EYS: variants seen among roughly 807,000 people sequenced by gnomAD.
EYS encodes the protein EGF-like photoreceptor maintenance factor, also known as protein eyes shut homolog.
A neutral mutation model predicts 282.1 loss-of-function variants in EYS; 250 were observed. The observed-to-expected ratio is 0.89, with a 90% CI of 0.80 to 0.98. EYS has a LOEUF of 0.98. Ranked by LOEUF, EYS falls within the 50% of genes least tolerant of loss-of-function variation. The pLI is 0.00. For synonymous variants in EYS, 1,355 were observed against 1,282.9 expected, an observed-to-expected ratio of 1.06 and a Z score of -1.20; for missense variants, 4,016 against 3,709.0, an observed-to-expected ratio of 1.08 and a Z score of -2.15.
At chr6:64,496,853 T>C (rs1035364043) in intron 26 of EYS, among the ~76,000 whole-genome samples, 3 of 152,102 alleles carry the variant, frequency 2.0e-5, no homozygotes, top group Non-Finnish European at 4.4e-5. Flanking sequence ...TATATTTTTG[T>C]CTTGGATTGG....
chr6:65,680,740 C>T lies in EYS; in HGVS notation c.-448+26395G>A, dbSNP rs562592491. ...AACAAATATTCTCACAATTCTCTTC[C>T]GACAGAGGAGATGTGGGGATTCCTC... On this transcript the variant is annotated intron_variant, in intron 1 of 42. Transcript: ENST00000503581. 5.9e-5 allele frequency among the ~76,000 whole-genome samples: 9 copies of T among 151,938 alleles called. No individual in the cohort carries two copies. The East Asian group carries it at 7.8e-4, about 13-fold the overall frequency.
intron 35 of EYS, among the ~76,000 whole-genome samples, chr6:63,937,443 C>T (rs569373550): frequency 3.9e-5 from 5 of 129,326 alleles, no homozygotes; most frequent in South Asian, 2.6e-4. Context: ...TGCAGTGGCT[C>T]GATCTCGGCT....
intron 22 of EYS, among the ~76,000 whole-genome samples, chr6:64,741,277 A>AT (rs1326781574): frequency 2.6e-5 from 4 of 152,078 alleles, no homozygotes; most frequent in Admixed American, 6.5e-5. Flanking sequence ...CGTCAATAAT[A>AT]TTTTTAATTT....
chr6:64,218,612 C>T lies in EYS; in HGVS notation c.6424+11980G>A, dbSNP rs192206767. ...AATCAGAATGGAGCTCAGCTCTTCGCCTACTGTCAGTAGTTACTGAATAAA... is the reference window on the plus strand; with the variant it reads ...AATCAGAATGGAGCTCAGCTCTTCGTCTACTGTCAGTAGTTACTGAATAAA... On this transcript the variant is annotated intron_variant, in intron 31 of 42. Transcript: ENST00000503581. Among the ~76,000 whole-genome samples, 332 of 152,262 alleles carry T rather than the reference C, an allele frequency of 2.2e-3. 1 individual carries two copies. Among genetic ancestry groups the T allele is most frequent in the African/African-American group, 7.2e-3 (300 of 41,552 alleles).
Position 63,984,530 on chromosome 6 carries a change from T to C in EYS, c.6908A>G (p.Tyr2303Cys), listed in dbSNP as rs1767264415. ...VQIHKKAGPV[Y>C]GFRGCILDLQ... ...GTCTAGAATGCAGCCCCTGAACCCA[T>C]AAACAGGACCTGCTTTCTTATGAAT... The change falls in exon 35 of 43, where the codon TAT becomes TGT. Residue 2303 changes from tyrosine to cysteine, a missense_variant. Coordinates refer to ENST00000503581, the MANE Select transcript of EYS (RefSeq NM_001142800.2). 3.2e-6 allele frequency: 5 copies of C among 1,549,658 alleles called. No individual in the cohort carries two copies. Among genetic ancestry groups the C allele is most frequent in the Non-Finnish European group, 4.4e-6 (5 of 1,145,552 alleles).
At chr6:63,798,959 ATGTGTATATATATATATGTATATG>A (rs1169260662) in intron 37 of EYS, among the ~76,000 whole-genome samples, 2,390 of 132,846 alleles carry the variant, frequency 0.018, 32 homozygotes, top group East Asian at 0.03. Context: ...ATATATGTAT[ATGTGTATATATATATATGTATATG>A]TGTGTATATA....
rs541165974 is a variant in EYS at position 64,777,565 on chromosome 6, C to T, written c.3443+35813G>A. Among the ~76,000 whole-genome samples the T allele has an allele frequency of 2.1e-4, 32 of 152,120 alleles. No individual in the cohort carries two copies. In the South Asian group the frequency reaches 3.5e-3, roughly 17 times the overall value. The stretch of plus-strand genomic sequence containing the variant: ...AATGTGTTTTATACTTGCTTTATTG[C>T]TAATATATTGATTAGTTTCCTAATG... On this transcript the variant is annotated intron_variant, in intron 22 of 42. Coordinates refer to ENST00000503581, the MANE Select transcript of EYS (RefSeq NM_001142800.2).
At chr6:65,030,641 G>A (rs1449590061) in intron 13 of EYS, among the ~76,000 whole-genome samples, 1 of 152,194 alleles carries the variant, frequency 6.6e-6, no homozygotes. Flanking sequence ...CCAGTGGACA[G>A]GGCATACCTT....
intron 19 of EYS, among the ~76,000 whole-genome samples, chr6:64,830,505 A>C (rs1253906920): frequency 6.6e-6 from 1 of 151,990 alleles, no homozygotes; most frequent in Non-Finnish European, 1.5e-5. Flanking sequence ...ACTGTCAGGC[A>C]TGAGTTTCTA....
intron 22 of EYS, among the ~76,000 whole-genome samples, chr6:64,667,557 ATTG>A (rs1174137321): frequency 6.6e-6 from 1 of 151,642 alleles, no homozygotes; most frequent in African/African-American, 2.4e-5. Context: ...ACTAACATAT[ATTG>A]TTATTTTTAA....
chr6:64,357,312 T>C (rs1771855713), intron 29 of EYS, among the ~76,000 whole-genome samples: 2 of 107,430 alleles, frequency 1.9e-5, no homozygotes, highest in Non-Finnish European at 3.9e-5. Flanking sequence ...CAACTGTGTC[T>C]GTGTATGAGC....
At chr6:64,812,036 C>G (rs562205225) in intron 22 of EYS, among the ~76,000 whole-genome samples, 3 of 152,052 alleles carry the variant, frequency 2.0e-5, no homozygotes, top group East Asian at 3.9e-4. Flanking sequence ...CAGAAATATA[C>G]GTTCAATTTA....
At chr6:65,007,293 G>A (rs1260202821) in intron 13 of EYS, among the ~76,000 whole-genome samples, 1 of 152,112 alleles carries the variant, frequency 6.6e-6, no homozygotes, top group East Asian at 1.9e-4. Context: ...TATCAGATGG[G>A]AAACATTTCC....
chr6:65,621,261 G>C (rs1454871027), intron 2 of EYS, among the ~76,000 whole-genome samples: 1 of 152,084 alleles, frequency 6.6e-6, no homozygotes, highest in Non-Finnish European at 1.5e-5. Flanking sequence ...TATATATTTA[G>C]GACAGTTAGC....
In EYS at chr6:64,797,852, A is replaced by T. The variant is rs573552929; in HGVS notation, c.3443+15526T>A. On this transcript the variant is annotated intron_variant, in intron 22 of 42. Transcript: ENST00000503581. ...GTGAGATCTCTAAATCCACAAATGC[A>T]AATTGTCTATTTATGTTGCCAACAA... Among the ~76,000 whole-genome samples the T allele has an allele frequency of 2.0e-5, 3 of 152,168 alleles. No homozygotes were observed. In the East Asian group the frequency reaches 5.8e-4, roughly 29 times the overall value.
intron 26 of EYS, among the ~76,000 whole-genome samples, chr6:64,521,771 T>C (rs1175179605): frequency 6.6e-6 from 1 of 151,858 alleles, no homozygotes; most frequent in Non-Finnish European, 1.5e-5. Context: ...TTTTACTATT[T>C]TACTGCTATT....
chr6:64,352,780 A>T (rs1425389912), intron 29 of EYS, among the ~76,000 whole-genome samples: 1 of 151,598 alleles, frequency 6.6e-6, no homozygotes, highest in Non-Finnish European at 1.5e-5. Flanking sequence ...TCGAAGAGTA[A>T]TAATTGTTTT....
At chr6:65,024,440 A>G (rs764867499) in intron 13 of EYS, among the ~76,000 whole-genome samples, 3 of 152,188 alleles carry the variant, frequency 2.0e-5, no homozygotes, top group Non-Finnish European at 4.4e-5. Flanking sequence ...GTCTGTGGGG[A>G]GCCAGGCTTC....
At chr6:64,853,056 T>C (rs1223531407) in intron 19 of EYS, among the ~76,000 whole-genome samples, 1 of 152,116 alleles carries the variant, frequency 6.6e-6, no homozygotes, top group Non-Finnish European at 1.5e-5. Flanking sequence ...GTTCACACTA[T>C]GAAATTAGAG....
Sources: gnomAD v4.1 joint callset for allele counts (sites outside exome capture counted in the v4.1 genomes callset) on GRCh38, gnomAD v4.1.1 for gene constraint, MANE v1.5 for transcripts, NCBI Gene and HGNC (gene_info 2026-07-23, HGNC 2026-07-21) for gene names.